SPOCK3: variants seen among roughly 807,000 people sequenced by gnomAD.
SPOCK3 encodes the protein SPARC (osteonectin), cwcv and kazal like domains proteoglycan 3.
SPOCK3 carries 30 observed loss-of-function variants against 56.6 expected under a neutral mutation model. The observed-to-expected ratio is 0.53, with a 90% CI of 0.40 to 0.72. The LOEUF (loss-of-function observed/expected upper bound fraction) is 0.72. Ranked by LOEUF, SPOCK3 falls within the 30% of genes least tolerant of loss-of-function variation. The pLI, the probability that SPOCK3 is intolerant of heterozygous loss-of-function variation, is 0.00. For missense variants in SPOCK3, 527 were observed against 530.0 expected (o/e 0.99, Z 0.06); for synonymous variants, 196 against 183.3 (o/e 1.07, Z -0.56).
intron 2 of SPOCK3, among the ~76,000 whole-genome samples, chr4:167,079,058 T>C (rs1293114376): frequency 6.6e-6 from 1 of 151,430 alleles, no homozygotes; most frequent in East Asian, 1.9e-4. Context: ...CATCTCCAAA[T>C]GGCATTTGGG....
intron 6 of SPOCK3, among the ~76,000 whole-genome samples, chr4:166,859,901 A>G (rs935687129): frequency 6.6e-6 from 1 of 152,132 alleles, no homozygotes; most frequent in Non-Finnish European, 1.5e-5. Flanking sequence ...TTTATAAGTA[A>G]TCTGTGAAGA....
chr4:167,022,270 A>T (rs2150163985), intron 3 of SPOCK3, among the ~76,000 whole-genome samples: 1 of 152,176 alleles, frequency 6.6e-6, no homozygotes, highest in South Asian at 2.1e-4. Context: ...AATCTCTAGG[A>T]TATTCACATG....
chr4:166,881,891 G>A (rs1176894626), intron 6 of SPOCK3, among the ~76,000 whole-genome samples: 3 of 151,996 alleles, frequency 2.0e-5, no homozygotes, highest in Non-Finnish European at 2.9e-5. Flanking sequence ...AAGCTAATAC[G>A]TCCTATACTA....
chr4:167,129,294 C>T (rs559174235), intron 2 of SPOCK3, among the ~76,000 whole-genome samples: 4 of 152,280 alleles, frequency 2.6e-5, no homozygotes, highest in South Asian at 2.1e-4. Context: ...TTGAGAAATA[C>T]GGCTGTAGAG....
At chr4:166,858,753 G>C in intron 6 of SPOCK3, among the ~76,000 whole-genome samples, 1 of 152,088 alleles carries the variant, frequency 6.6e-6, no homozygotes, top group Non-Finnish European at 1.5e-5. Flanking sequence ...GGTACTACAC[G>C]AGCAAAAATG....
intron 2 of SPOCK3, among the ~76,000 whole-genome samples, chr4:167,105,463 TAA>T (rs552028589): frequency 0.016 from 1,550 of 98,684 alleles, 13 homozygotes; most frequent in Middle Eastern, 0.022. Context: ...ACACAAAAAT[TAA>T]AAAAAAAAAA....
At chr4:167,221,641 G>A (rs976881702) in intron 2 of SPOCK3, among the ~76,000 whole-genome samples, 3 of 152,076 alleles carry the variant, frequency 2.0e-5, no homozygotes, top group African/African-American at 7.2e-5. Flanking sequence ...AATGGGTAAA[G>A]GACTTGAGCA....
chr4:166,852,799 T>C (rs1251410322), intron 6 of SPOCK3, among the ~76,000 whole-genome samples: 2 of 152,210 alleles, frequency 1.3e-5, no homozygotes, highest in African/African-American at 4.8e-5. Context: ...AGGAAAGAGG[T>C]ATATACAGGA....
chr4:167,085,668 A>G (rs1316646848), intron 2 of SPOCK3, among the ~76,000 whole-genome samples: 1 of 152,064 alleles, frequency 6.6e-6, no homozygotes, highest in African/African-American at 2.4e-5. Flanking sequence ...GAATGACTGG[A>G]TTTTCATGCT....
intron 2 of SPOCK3, among the ~76,000 whole-genome samples, chr4:167,082,203 A>G (rs929536646): frequency 6.6e-6 from 1 of 152,130 alleles, no homozygotes; most frequent in Non-Finnish European, 1.5e-5. Context: ...TCAGGAATCA[A>G]TATTCATGTC....
chr4:167,034,250 A>G (rs987760689), intron 3 of SPOCK3, among the ~76,000 whole-genome samples: 1 of 151,948 alleles, frequency 6.6e-6, no homozygotes. Context: ...TCTTGTGCAA[A>G]AAAGGCATTC....
chr4:166,800,107 G>A (rs1034511942), intron 6 of SPOCK3, among the ~76,000 whole-genome samples: 5 of 148,922 alleles, frequency 3.4e-5, no homozygotes, highest in Non-Finnish European at 5.9e-5. Flanking sequence ...GCGTGAACCC[G>A]GGAGGCGGAG....
intron 6 of SPOCK3, among the ~76,000 whole-genome samples, chr4:166,827,395 TG>T (rs1328055938): frequency 5.3e-5 from 8 of 152,130 alleles, no homozygotes; most frequent in Non-Finnish European, 1.2e-4. Flanking sequence ...GAACACTGCC[TG>T]GCATGAGATA....
intron 4 of SPOCK3, among the ~76,000 whole-genome samples, chr4:166,933,563 C>A (rs1740038684): frequency 6.6e-6 from 1 of 152,102 alleles, no homozygotes; most frequent in Non-Finnish European, 1.5e-5. Flanking sequence ...TATTATTTAA[C>A]ATGTATTATT....
chr4:167,190,037 A>G lies in SPOCK3; in HGVS notation c.189+43948T>C, dbSNP rs909097516. Among the ~76,000 whole-genome samples the G allele has an allele frequency of 4.2e-4, 61 of 145,952 alleles. 3 individuals carry two copies. Among genetic ancestry groups the G allele is most frequent in the African/African-American group, 1.6e-3 (60 of 38,270 alleles). The stretch of plus-strand genomic sequence containing the variant: ...TTATTAATTCACGAAGGACACTTAG[A>G]TTGTTTTCATATTTCATCTATTGTG... On this transcript the variant is annotated intron_variant, in intron 2 of 10. Transcript: ENST00000357545.
At chr4:167,030,967 T>C (rs1393763036) in intron 3 of SPOCK3, among the ~76,000 whole-genome samples, 1 of 152,070 alleles carries the variant, frequency 6.6e-6, no homozygotes, top group Non-Finnish European at 1.5e-5. Context: ...ATATTTGTCA[T>C]GTGTTGAGTT....
chr4:167,151,222 G>C (rs999972882), intron 2 of SPOCK3, among the ~76,000 whole-genome samples: 4 of 152,202 alleles, frequency 2.6e-5, no homozygotes, highest in African/African-American at 9.6e-5. Context: ...ATTGCAACGC[G>C]TAGTCGAGTT....
intron 6 of SPOCK3, among the ~76,000 whole-genome samples, chr4:166,835,208 A>G: frequency 6.6e-6 from 1 of 152,248 alleles, no homozygotes; most frequent in Middle Eastern, 3.6e-3. Context: ...TTAGAGTGTA[A>G]AGAACTATTA....
At chr4:167,101,816 A>G (rs1384125451) in intron 2 of SPOCK3, among the ~76,000 whole-genome samples, 1 of 143,754 alleles carries the variant, frequency 7.0e-6, no homozygotes, top group Non-Finnish European at 1.5e-5. Flanking sequence ...TCCACCTCCC[A>G]GGTTCAAGCA....
Sources: gnomAD v4.1 joint callset for allele counts (sites outside exome capture counted in the v4.1 genomes callset) on GRCh38, gnomAD v4.1.1 for gene constraint, MANE v1.5 for transcripts, NCBI Gene and HGNC (gene_info 2026-07-23, HGNC 2026-07-21) for gene names.